Variants in RABGAP1 observed in about 807,000 individuals in gnomAD.
RABGAP1 encodes RAB GTPase activating protein 1.
Under a neutral mutation model 137.6 loss-of-function variants are expected in RABGAP1, and 23 were observed. The ratio of observed to expected loss-of-function variants is 0.17; its 90% CI spans 0.12 to 0.24. The LOEUF is 0.24. Among genes scored for constraint, RABGAP1 ranks in the 10% least tolerant of loss-of-function variants. The pLI is 1.00. For synonymous variants in RABGAP1, 451 were observed against 450.7 expected, an observed-to-expected ratio of 1.00 and a Z score of -0.01; for missense variants, 906 against 1,275.8, an observed-to-expected ratio of 0.71 and a Z score of 4.42.
In RABGAP1 at chr9:122,944,514, CTTTG is replaced by C. The variant is rs984636832; in HGVS notation, c.-50+3429_-50+3432del. On this transcript the variant is annotated intron_variant, in intron 1 of 25. Transcript: ENST00000373647. Reference sequence around the variant, plus strand: ...CAACGTGACAACACTCTTAAATAATCTTTGTTTGTTTCTTTTTTTTTTCTTCTTT... The same window carrying C: ...CAACGTGACAACACTCTTAAATAATCTTTGTTTCTTTTTTTTTTCTTCTTT... 2.6e-5 allele frequency among the ~76,000 whole-genome samples: 4 copies of C among 151,810 alleles called. No homozygotes were observed. In the East Asian group the frequency reaches 7.8e-4, roughly 29 times the overall value.
At chr9:122,934,076 C>CT in the RABGAP1 span, among the ~76,000 whole-genome samples, 6 of 148,684 alleles carry the variant, frequency 4.0e-5, no homozygotes, top group African/African-American at 1.5e-4. Flanking sequence ...CTTTTCTTTT[C>CT]TTTTCTTTTT....
rs1727284075 is a variant in RABGAP1 at position 123,101,501 on chromosome 9, G to A, written c.2890-65G>A. On this transcript the variant is annotated intron_variant, in intron 24 of 25. Transcript: ENST00000373647. ...TCTCTTGGTGTCCCCCAAAGGAGAT[G>A]CTCACACCATCCTAAAGGGCCAGTT... 2.7e-6 allele frequency: 4 copies of A among 1,465,964 alleles called. No individual in the cohort carries two copies. In the African/African-American group the frequency reaches 5.7e-5, roughly 21 times the overall value. The allele number at this position is 1,465,964 out of a possible 1,614,324, so 90.8% of individuals were successfully genotyped here.
chr9:122,997,226 G>A, intron 8 of RABGAP1, 33 bp from the exon 9 acceptor site: 2 of 1,514,572 alleles, frequency 1.3e-6, no homozygotes, highest in African/African-American at 1.4e-5. Flanking sequence ...ACTCACTGTG[G>A]CATTCGGGTT....
intron 19 of RABGAP1, among the ~76,000 whole-genome samples, chr9:123,082,614 G>A (rs546720124): frequency 2.4e-4 from 37 of 152,324 alleles, no homozygotes; most frequent in African/African-American, 8.4e-4. Context: ...GGCCCAGTGA[G>A]TTTCCTAGAT....
At chr9:123,036,494 A>G (rs557391971) in intron 13 of RABGAP1, among the ~76,000 whole-genome samples, 3 of 152,264 alleles carry the variant, frequency 2.0e-5, no homozygotes, top group East Asian at 1.9e-4. Context: ...AATGGTGACT[A>G]TATACAAAAA....
chr9:122,969,736 C>CGTTTT (rs111792551), intron 2 of RABGAP1, among the ~76,000 whole-genome samples: 11 of 151,274 alleles, frequency 7.3e-5, no homozygotes, highest in African/African-American at 2.7e-4. Context: ...GAATTTAAAA[C>CGTTTT]ATTTTATTTT....
chr9:123,100,409 G>A (rs2035309515), intron 24 of RABGAP1, among the ~76,000 whole-genome samples: 1 of 150,754 alleles, frequency 6.6e-6, no homozygotes, highest in Admixed American at 6.6e-5. Flanking sequence ...GTGTGTGTGT[G>A]TGTGTGTGTG....
intron 1 of RABGAP1, among the ~76,000 whole-genome samples, chr9:122,946,661 A>G (rs987062610): frequency 2.0e-5 from 3 of 152,318 alleles, no homozygotes; most frequent in African/African-American, 7.2e-5. Context: ...CCAAATAACA[A>G]TTTAAATATT....
At chr9:123,037,824 C>A (rs2032743886) in intron 13 of RABGAP1, among the ~76,000 whole-genome samples, 1 of 152,020 alleles carries the variant, frequency 6.6e-6, no homozygotes, top group African/African-American at 2.4e-5. Context: ...TTGGAAAGTT[C>A]ATGTTTAACT....
chr9:123,079,977 A>G lies in RABGAP1; in HGVS notation c.2424+3215A>G, dbSNP rs549996170. Among the ~76,000 whole-genome samples, 3 of 152,336 alleles carry G rather than the reference A, an allele frequency of 2.0e-5. No individual in the cohort carries two copies. In the South Asian group the frequency reaches 6.2e-4, roughly 32 times the overall value. On this transcript the variant is annotated intron_variant, in intron 19 of 25. Transcript: ENST00000373647. The stretch of plus-strand genomic sequence containing the variant: ...TCTCGCTTATAAATATCGATTGAAT[A>G]AGTGAATGAATAAATACACTGTTGA...
chr9:123,063,925 G>A (rs961139908), intron 13 of RABGAP1, among the ~76,000 whole-genome samples: 2 of 151,960 alleles, frequency 1.3e-5, no homozygotes, highest in African/African-American at 4.8e-5. Flanking sequence ...ATCTCATAGC[G>A]ACCCCTCTTC....
chr9:123,097,842 T>G lies in RABGAP1; in HGVS notation c.2730T>G (p.Ala910=), dbSNP rs1228288252. 1.9e-6 allele frequency: 3 copies of G among 1,612,172 alleles called. No individual in the cohort carries two copies. The South Asian group carries it at 3.3e-5, about 18-fold the overall frequency. The part of the protein sequence containing the change: ...EEKRRLEEES[A]QLKEMCRREL... The stretch of plus-strand genomic sequence containing the variant: ...AAAGACGGCTGGAAGAAGAGTCTGC[T>G]CAGGTAAGGGAACTCTCCCACATTC... The change falls in exon 22 of 26, where the codon GCT becomes GCG. Residue 910 remains alanine, a synonymous_variant. Transcript: ENST00000373647.
intron 10 of RABGAP1, among the ~76,000 whole-genome samples, chr9:123,007,946 A>G (rs1042502069): frequency 6.7e-6 from 1 of 149,466 alleles, no homozygotes; most frequent in Non-Finnish European, 1.5e-5. Flanking sequence ...AATTTTATAT[A>G]TAATTTAAAA....
intron 17 of RABGAP1, among the ~76,000 whole-genome samples, chr9:123,075,405 C>T (rs1378155506): frequency 6.6e-6 from 1 of 151,974 alleles, no homozygotes. Context: ...CTGTACTATC[C>T]TTTTTAATTA....
chr9:122,965,669 C>T (rs1835106177), intron 2 of RABGAP1, among the ~76,000 whole-genome samples: 1 of 152,220 alleles, frequency 6.6e-6, no homozygotes, highest in South Asian at 2.1e-4. Flanking sequence ...CAGGCGTGAG[C>T]CACCACGCCC....
rs775920797 is a variant in RABGAP1 at position 122,984,533 on chromosome 9, G to A, written c.199G>A (p.Val67Ile). Residue 67 changes from valine (V) to isoleucine (I), a missense_variant, in exon 3 of 26, where the codon GTA (valine) becomes ATA (isoleucine). By Grantham distance (29) the Val-to-Ile change is conservative (BLOSUM62 3). This residue lies in a region of RABGAP1 where 331 missense variants were observed against 358.3 expected (regional missense o/e 0.92). Coordinates refer to ENST00000373647, the MANE Select transcript of RABGAP1 (RefSeq NM_012197.4). ...GCAGCTGCAAAAAGAGCTAGCAGAT[G>A]TACTGATGGATCCTCCAATGGACGA... is the stretch of plus-strand genomic sequence containing the variant. ...EQQLQKELAD[V>I]LMDPPMDDQP... is the part of the protein sequence containing the mutation. 1.2e-6 allele frequency: 2 copies of A among 1,614,176 alleles called. No individual in the cohort carries two copies. The highest frequency in any genetic ancestry group is 3.3e-5 in the Admixed American group (2 of 60,018).
chr9:123,009,563 C>CT (rs1317749413), intron 10 of RABGAP1, among the ~76,000 whole-genome samples: 6 of 152,078 alleles, frequency 3.9e-5, no homozygotes, highest in African/African-American at 1.4e-4. Flanking sequence ...TGCTACCTTC[C>CT]TTATATGGAA....
At chr9:122,981,629 A>G (rs1369424424) in intron 2 of RABGAP1, among the ~76,000 whole-genome samples, 1 of 152,202 alleles carries the variant, frequency 6.6e-6, no homozygotes, top group East Asian at 1.9e-4. Flanking sequence ...CTGTCTTAGC[A>G]AGCTCTCCTG....
At chr9:123,035,402 G>T in intron 13 of RABGAP1, 1 of 1,614,102 alleles carries the variant, frequency 6.2e-7, no homozygotes, top group Non-Finnish European at 8.5e-7. Context: ...AGCTCCACTG[G>T]CCACAGCAAC....
Sources: allele counts gnomAD v4.1 joint callset (sites outside exome capture counted in the v4.1 genomes callset), GRCh38; gene constraint gnomAD v4.1.1; regional missense constraint gnomAD v4.1.1; transcripts MANE v1.5; gene names NCBI Gene and HGNC (gene_info 2026-07-23, HGNC 2026-07-21).